CDH23: variants seen among roughly 807,000 people sequenced by gnomAD.
CDH23 encodes cadherin-23.
In CDH23, 189 loss-of-function variants were observed where a neutral mutation model predicts 317.1. That is an observed-to-expected ratio of 0.60 (90% CI 0.53 to 0.67). The LOEUF (loss-of-function observed/expected upper bound fraction) is 0.67. Ranked by LOEUF, CDH23 falls within the 30% of genes least tolerant of loss-of-function variation. The pLI is 0.00. For missense variants in CDH23, 4,401 were observed against 4,592.4 expected (o/e 0.96, Z 1.20); for synonymous variants, 1,839 against 1,876.8 (o/e 0.98, Z 0.52).
At chr10:71,801,519 C>T (rs1054144780) in intron 53 of CDH23, among the ~76,000 whole-genome samples, 5 of 152,098 alleles carry the variant, frequency 3.3e-5, no homozygotes, top group African/African-American at 1.2e-4. Flanking sequence ...ATTCCAGTGT[C>T]CACGCAGCTG....
At chr10:71,811,271 G>C (rs776198840) in intron 62 of CDH23, 44 bp from the exon 63 acceptor site, 1 of 1,613,214 alleles carries the variant, frequency 6.2e-7, no homozygotes, top group Non-Finnish European at 8.5e-7. Flanking sequence ...CGGTGGTGGG[G>C]GAATGGCTGA....
At chr10:71,667,678 C>G (rs747536611) in intron 14 of CDH23, among the ~76,000 whole-genome samples, 1 of 151,846 alleles carries the variant, frequency 6.6e-6, no homozygotes, top group Non-Finnish European at 1.5e-5. Flanking sequence ...TGTTCCAGGG[C>G]AAATCAATGG....
chr10:71,655,701 G>A (rs1863388076), intron 14 of CDH23, among the ~76,000 whole-genome samples: 1 of 152,030 alleles, frequency 6.6e-6, no homozygotes, highest in Non-Finnish European at 1.5e-5. Context: ...AAAGTAGGCT[G>A]GACTCCTACT....
chr10:71,545,970 G>A (rs141035144), intron 6 of CDH23, among the ~76,000 whole-genome samples: 1 of 152,280 alleles, frequency 6.6e-6, no homozygotes, highest in Non-Finnish European at 1.5e-5. Flanking sequence ...AAGTACCAGG[G>A]CCAAACAGAA....
At position 71,396,927 on chromosome 10, in the gene CDH23, G is replaced by A. The variant is rs1056283249; in HGVS notation, c.-397G>A. 6.5e-6 allele frequency: 1 copy of A among 153,242 alleles called. No individual in the cohort carries two copies. The allele number at this position is 153,242 out of a possible 1,614,324, so 9.5% of individuals were successfully genotyped here. On this transcript the variant is annotated 5_prime_UTR_variant, in exon 1 of 70. Coordinates refer to ENST00000224721, the MANE Select transcript of CDH23 (RefSeq NM_022124.6). This position sits in a 1 kb window ranked among gnomAD's most constrained non-coding sequence, Gnocchi z 4.2. ...GGGAAGCAAGGGAAAGTTGATCGCG[G>A]ACTTGAGCGGCGGCGGCGGCTCGGG...
At chr10:71,791,085 G>A (rs370087587) in intron 46 of CDH23, 47 bp from the exon 47 acceptor site, 36 of 1,487,896 alleles carry the variant, frequency 2.4e-5, no homozygotes, top group African/African-American at 5.5e-5. Flanking sequence ...TCTTCCCACC[G>A]CACCCCTTTT....
At chr10:71,416,790 C>T (rs1339480568) in intron 1 of CDH23, among the ~76,000 whole-genome samples, 1 of 152,106 alleles carries the variant, frequency 6.6e-6, no homozygotes, top group Non-Finnish European at 1.5e-5. Flanking sequence ...ACCCCAGTCT[C>T]CCAAATAGGT....
At position 71,739,743 on chromosome 10, in the gene CDH23, A is replaced by G; in HGVS notation, c.4459A>G (p.Arg1487Gly). Residue 1487 changes from arginine (R) to glycine (G), a missense_variant, in exon 36 of 70, where the codon AGA becomes GGA. Coordinates refer to ENST00000224721, the MANE Select transcript of CDH23 (RefSeq NM_022124.6). ...GEVFVARPLD[R>G]EELDHYILQV... is the part of the protein sequence containing the mutation. ...AGTGTTTGTGGCCAGGCCCCTGGAC[A>G]GAGAAGAGCTGGATCACTACATCCT... is the stretch of plus-strand genomic sequence containing the variant. 6.2e-7 allele frequency: 1 copy of G among 1,612,806 alleles called. No individual in the cohort carries two copies. Among genetic ancestry groups the G allele is most frequent in the South Asian group, 1.1e-5 (1 of 91,010 alleles).
At chr10:71,688,346 G>A (rs190691883) in intron 19 of CDH23, among the ~76,000 whole-genome samples, 1 of 152,386 alleles carries the variant, frequency 6.6e-6, no homozygotes, top group Admixed American at 6.5e-5. Flanking sequence ...AAGGAGACAG[G>A]AAGGCTGGAA....
chr10:71,765,281 C>T (rs565296845), intron 38 of CDH23, among the ~76,000 whole-genome samples: 4 of 152,232 alleles, frequency 2.6e-5, no homozygotes, highest in African/African-American at 4.8e-5. Context: ...GCTTCAGCTA[C>T]GGTAGTATTT....
chr10:71,674,269 T>TTA (rs1212629164), intron 14 of CDH23, among the ~76,000 whole-genome samples: 1 of 152,236 alleles, frequency 6.6e-6, no homozygotes, highest in Non-Finnish European at 1.5e-5. Flanking sequence ...TTCAGGCTTA[T>TTA]CATAAAGAAC....
intron 1 of CDH23, among the ~76,000 whole-genome samples, chr10:71,434,402 C>T (rs1849529704): frequency 6.6e-6 from 1 of 152,226 alleles, no homozygotes; most frequent in African/African-American, 2.4e-5. Context: ...GTGCCTAGCA[C>T]ACAGTAGGGC....
intron 8 of CDH23, among the ~76,000 whole-genome samples, chr10:71,571,520 A>G (rs558167835): frequency 7.2e-4 from 110 of 152,324 alleles, no homozygotes; most frequent in African/African-American, 2.6e-3. Flanking sequence ...TCGGCTACCC[A>G]TGGGTGTCTT....
In CDH23 at chr10:71,741,822, C is replaced by T. The variant is rs370132610; in HGVS notation, c.4746C>T (p.Ser1582=). 2.4e-5 allele frequency: 38 copies of T among 1,611,666 alleles called. No homozygotes were observed. Among genetic ancestry groups the T allele is most frequent in the African/African-American group, 2.7e-5 (2 of 74,914 alleles). The change falls in exon 38 of 70, where the codon AGC becomes AGT. Residue 1582 remains serine, a synonymous_variant. Coordinates refer to ENST00000224721, the MANE Select transcript of CDH23 (RefSeq NM_022124.6). ...TGGCCTTCCGCATGGACCGCATCAG[C>T]GGTGAGATCGCCACACGGCCTGCCC... The part of the protein sequence containing the change: ...KDMAFRMDRI[S]GEIATRPAPP...
At chr10:71,732,905 C>T (rs1170783305) in intron 32 of CDH23, among the ~76,000 whole-genome samples, 3 of 152,198 alleles carry the variant, frequency 2.0e-5, no homozygotes, top group Non-Finnish European at 4.4e-5. Flanking sequence ...CTGGAGTTAG[C>T]GTCAGATCCC....
At chr10:71,663,130 G>T (rs1232677819) in intron 14 of CDH23, among the ~76,000 whole-genome samples, 1 of 152,112 alleles carries the variant, frequency 6.6e-6, no homozygotes, top group Non-Finnish European at 1.5e-5. Flanking sequence ...TCCAAATAAG[G>T]TCACATTTGT....
chr10:71,448,966 C>T (rs1360056713), intron 3 of CDH23, among the ~76,000 whole-genome samples: 1 of 152,186 alleles, frequency 6.6e-6, no homozygotes, highest in Non-Finnish European at 1.5e-5. Context: ...GGTCTAGAGA[C>T]TTGACTTTGA....
chr10:71,704,859 A>C, intron 24 of CDH23, 52 bp from the exon 25 acceptor site: 1 of 1,381,048 alleles, frequency 7.2e-7, no homozygotes, highest in Non-Finnish European at 1.0e-6. Context: ...GGGGAGAAGC[A>C]TCCATCCCAG....
At chr10:71,568,812 C>T (rs368489748) in intron 7 of CDH23, among the ~76,000 whole-genome samples, 111 of 152,292 alleles carry the variant, frequency 7.3e-4, no homozygotes, top group Middle Eastern at 3.4e-3. Context: ...GCCATGGGCC[C>T]CAGAGTTACA....
Sources: gnomAD v4.1 joint callset for allele counts (sites outside exome capture counted in the v4.1 genomes callset) on GRCh38, gnomAD v4.1.1 for gene constraint, Gnocchi (gnomAD v3.1) non-coding constraint, MANE v1.5 for transcripts, NCBI Gene and HGNC (gene_info 2026-07-23, HGNC 2026-07-21) for gene names.